Variants in KHDRBS2 observed in about 807,000 individuals in gnomAD.
The protein encoded by KHDRBS2 is KH RNA binding domain containing, signal transduction associated 2, also known as KH domain-containing, RNA-binding, signal transduction-associated protein 2.
A neutral mutation model predicts 44.3 loss-of-function variants in KHDRBS2; 26 were observed. That is an observed-to-expected ratio of 0.59 (90% CI 0.43 to 0.81). The LOEUF (loss-of-function observed/expected upper bound fraction) is 0.81, where lower values mean the gene tolerates loss of function less well. Among genes scored for constraint, KHDRBS2 ranks in the 40% least tolerant of loss-of-function variants. The pLI, the probability that KHDRBS2 is intolerant of heterozygous loss-of-function variation, is 0.00. For synonymous variants in KHDRBS2, 194 were observed against 151.1 expected (o/e 1.28, Z -2.08); for missense variants, 476 against 433.1 (o/e 1.10, Z -0.88).
chr6:61,678,388 C>A (rs1766063113), downstream of KHDRBS2, among the ~76,000 whole-genome samples: 1 of 151,908 alleles, frequency 6.6e-6, no homozygotes, highest in Non-Finnish European at 1.5e-5. Flanking sequence ...GGATGAGAAG[C>A]AAAAAGCTTA....
At chr6:62,255,910 T>A (rs1837323506) in intron 1 of KHDRBS2, among the ~76,000 whole-genome samples, 2 of 151,814 alleles carry the variant, frequency 1.3e-5, no homozygotes, top group Non-Finnish European at 2.9e-5. Context: ...GGTGGGCAGA[T>A]AACTTGAGGT....
chr6:61,827,474 T>C (rs1449614391), intron 6 of KHDRBS2, among the ~76,000 whole-genome samples: 1 of 152,212 alleles, frequency 6.6e-6, no homozygotes, highest in Non-Finnish European at 1.5e-5. Context: ...CTAGGCAGGA[T>C]GTTCCTGCTA....
chr6:61,901,913 TAAAC>T (rs1455618324), intron 4 of KHDRBS2, among the ~76,000 whole-genome samples: 2 of 152,198 alleles, frequency 1.3e-5, no homozygotes, highest in Non-Finnish European at 2.9e-5. Flanking sequence ...AGAATCCAAC[TAAAC>T]AGTTTGATGT....
intron 6 of KHDRBS2, among the ~76,000 whole-genome samples, chr6:61,879,217 T>C (rs1799878182): frequency 6.6e-6 from 1 of 151,994 alleles, no homozygotes; most frequent in Non-Finnish European, 1.5e-5. Flanking sequence ...ATATATTTAG[T>C]TTAATGGGAT....
chr6:62,057,319 T>A (rs1246313162), intron 2 of KHDRBS2, among the ~76,000 whole-genome samples: 2 of 151,860 alleles, frequency 1.3e-5, no homozygotes, highest in Non-Finnish European at 2.9e-5. Flanking sequence ...CCATGAAAGA[T>A]CAGATACCAT....
intron 2 of KHDRBS2, among the ~76,000 whole-genome samples, chr6:62,104,256 T>G (rs1477464317): frequency 6.6e-6 from 1 of 152,196 alleles, no homozygotes; most frequent in African/African-American, 2.4e-5. Context: ...CTAGAACATT[T>G]ACACAAACTA....
chr6:61,797,916 T>C (rs1427514651), intron 6 of KHDRBS2, among the ~76,000 whole-genome samples: 1 of 152,040 alleles, frequency 6.6e-6, no homozygotes, highest in Admixed American at 6.6e-5. Context: ...TTTTGTTAGA[T>C]GGATAAGTTG....
Position 62,021,266 on chromosome 6 carries a change from G to A in KHDRBS2, c.336+26612C>T, listed in dbSNP as rs536774170. ...ACATTGGGGTCTAAAAGAGGATGGA[G>A]GGTGGGAGGAGGGAGAGATTCAGAA... On this transcript the variant is annotated intron_variant, in intron 3 of 8. Coordinates refer to ENST00000281156, the MANE Select transcript of KHDRBS2 (RefSeq NM_152688.4). Among the ~76,000 whole-genome samples the A allele has an allele frequency of 3.9e-5, 6 of 152,094 alleles. No homozygotes were observed. The South Asian group carries it at 8.3e-4, about 21-fold the overall frequency.
At chr6:61,929,995 A>ATG (rs1219716617) in intron 4 of KHDRBS2, among the ~76,000 whole-genome samples, 4 of 152,140 alleles carry the variant, frequency 2.6e-5, no homozygotes, top group Non-Finnish European at 5.9e-5. Flanking sequence ...TAGTATTAAG[A>ATG]TGTAAGGCCT....
chr6:62,279,711 T>C (rs1169743431), intron 1 of KHDRBS2, among the ~76,000 whole-genome samples: 1 of 152,168 alleles, frequency 6.6e-6, no homozygotes, highest in Non-Finnish European at 1.5e-5. Flanking sequence ...TGGATGAAGA[T>C]AAATTATAAT....
At chr6:61,775,011 C>G (rs1781705047) in intron 6 of KHDRBS2, among the ~76,000 whole-genome samples, 1 of 151,992 alleles carries the variant, frequency 6.6e-6, no homozygotes, top group South Asian at 2.1e-4. Flanking sequence ...AAATGTAATC[C>G]AACATATAAA....
At chr6:62,168,384 A>G (rs1455380292) in intron 2 of KHDRBS2, among the ~76,000 whole-genome samples, 1 of 152,164 alleles carries the variant, frequency 6.6e-6, no homozygotes, top group Non-Finnish European at 1.5e-5. Context: ...AAAGGCACTG[A>G]GAGGCTGAAT....
chr6:61,974,971 A>T (rs1313898757), intron 4 of KHDRBS2, among the ~76,000 whole-genome samples: 1 of 150,866 alleles, frequency 6.6e-6, no homozygotes, highest in Non-Finnish European at 1.5e-5. Context: ...TAAATAAATA[A>T]ATAAATAAAT....
intron 7 of KHDRBS2, among the ~76,000 whole-genome samples, chr6:61,727,306 A>T (rs1328826506): frequency 1.3e-5 from 2 of 152,172 alleles, no homozygotes; most frequent in African/African-American, 4.8e-5. Context: ...ACTTAAATGT[A>T]AAATCCAAAC....
At chr6:62,067,211 C>A (rs530405407) in intron 2 of KHDRBS2, among the ~76,000 whole-genome samples, 1 of 151,582 alleles carries the variant, frequency 6.6e-6, no homozygotes, top group South Asian at 2.1e-4. Flanking sequence ...TGATATGGAT[C>A]TGTTAGAAAA....
chr6:61,973,160 T>C (rs1044530104), intron 4 of KHDRBS2, among the ~76,000 whole-genome samples: 1 of 152,062 alleles, frequency 6.6e-6, no homozygotes, highest in Admixed American at 6.6e-5. Flanking sequence ...AATAGACTGA[T>C]CAAATTTTCA....
the KHDRBS2 span, among the ~76,000 whole-genome samples, chr6:61,638,348 T>C: frequency 1.7e-3 from 253 of 151,908 alleles, 2 homozygotes; most frequent in African/African-American, 5.7e-3. Flanking sequence ...TCAGAAATAA[T>C]GCCGCATATC....
At position 61,848,521 on chromosome 6, in the gene KHDRBS2, A is replaced by ATATG. The variant is rs1794866138; in HGVS notation, c.810+46113_810+46114insCATA. 4.0e-4 allele frequency among the ~76,000 whole-genome samples: 20 copies of ATATG among 50,094 alleles called. 1 individual carries two copies. Among genetic ancestry groups the ATATG allele is most frequent in the Non-Finnish European group, 6.3e-4 (19 of 29,922 alleles). The allele number at this position is 50,094 out of a possible 152,430, so 32.9% of individuals were successfully genotyped here. On this transcript the variant is annotated intron_variant, in intron 6 of 8. Coordinates refer to ENST00000281156, the MANE Select transcript of KHDRBS2 (RefSeq NM_152688.4). ...TATATATATATATATGTATATATGT[A>ATATG]TATATATATACATATATATGTATAT...
At chr6:61,799,095 G>A (rs759593189) in intron 6 of KHDRBS2, among the ~76,000 whole-genome samples, 13 of 152,006 alleles carry the variant, frequency 8.6e-5, no homozygotes, top group Non-Finnish European at 1.9e-4. Flanking sequence ...GGCATCAGTC[G>A]TGAATTACAG....
Sources: allele counts gnomAD v4.1 joint callset (sites outside exome capture counted in the v4.1 genomes callset), GRCh38; gene constraint gnomAD v4.1.1; transcripts MANE v1.5; gene names NCBI Gene and HGNC (gene_info 2026-07-23, HGNC 2026-07-21).